Variants in NAA11 observed in about 807,000 individuals in gnomAD.
NAA11 encodes N-alpha-acetyltransferase 11.
In NAA11, 15 loss-of-function variants were observed where a neutral mutation model predicts 16.1. The ratio of observed to expected loss-of-function variants is 0.93; its 90% CI spans 0.62 to 1.44. NAA11 has a LOEUF of 1.44. Among genes scored for constraint, NAA11 ranks in the 40% most tolerant of loss-of-function variants. NAA11 has a pLI of 0.00. For missense variants in NAA11, 298 were observed against 291.3 expected, an observed-to-expected ratio of 1.02 and a Z score of -0.17; for synonymous variants, 122 against 112.4, an observed-to-expected ratio of 1.09 and a Z score of -0.54.
At chr4:79,309,701 GTT>G (rs199910258) in intron 1 of NAA11, among the ~76,000 whole-genome samples, 124 of 108,172 alleles carry the variant, frequency 1.1e-3, no homozygotes, top group African/African-American at 4.0e-3. Context: ...TTCTATTGGT[GTT>G]TTTTTTTTTT....
At chr4:79,180,981 C>CA in the NAA11 span, among the ~76,000 whole-genome samples, 1 of 151,456 alleles carries the variant, frequency 6.6e-6, no homozygotes, top group Non-Finnish European at 1.5e-5. Context: ...ATCACAAGGA[C>CA]AAAAAACCAA....
At chr4:79,314,357 A>C (rs960096080), downstream of NAA11, among the ~76,000 whole-genome samples, 2 of 152,064 alleles carry the variant, frequency 1.3e-5, no homozygotes, top group African/African-American at 2.4e-5. Context: ...AGCTCCCTTC[A>C]TATTATCTTT....
chr4:79,221,162 G>A (rs937783614), downstream of NAA11, among the ~76,000 whole-genome samples: 15 of 151,784 alleles, frequency 9.9e-5, no homozygotes, highest in African/African-American at 3.6e-4. Context: ...CACTCATGAT[G>A]TGGCTCTCTG....
chr4:79,224,838 T>C (rs563042709), downstream of NAA11, among the ~76,000 whole-genome samples: 117 of 152,208 alleles, frequency 7.7e-4, no homozygotes, highest in African/African-American at 2.8e-3. Flanking sequence ...CCCACTGTAG[T>C]CTTTCTAAAA....
At chr4:79,196,979 A>AAAAAAAAAAG in the NAA11 span, among the ~76,000 whole-genome samples, 39 of 125,522 alleles carry the variant, frequency 3.1e-4, no homozygotes, top group Non-Finnish European at 3.7e-4. Context: ...AAAAAAAAAA[A>AAAAAAAAAAG]AAAGAAAGAA....
intron 1 of NAA11, among the ~76,000 whole-genome samples, chr4:79,306,536 T>C (rs1370543720): frequency 6.6e-6 from 1 of 152,226 alleles, no homozygotes; most frequent in African/African-American, 2.4e-5. Flanking sequence ...TATGTCCAAA[T>C]AGTCACATTC....
intron 1 of NAA11, among the ~76,000 whole-genome samples, chr4:79,324,779 G>T (rs1724206054): frequency 6.6e-6 from 1 of 152,142 alleles, no homozygotes; most frequent in Non-Finnish European, 1.5e-5. Flanking sequence ...AGCCATTGAT[G>T]ACTCTTGGCT....
At chr4:79,242,145 T>A (rs1429775447) in intron 2 of NAA11, among the ~76,000 whole-genome samples, 5 of 152,180 alleles carry the variant, frequency 3.3e-5, no homozygotes, top group African/African-American at 7.2e-5. Context: ...TGTGGATGGC[T>A]TCCTGTCAAG....
chr4:79,211,001 G>A, the NAA11 span, among the ~76,000 whole-genome samples: 1 of 152,166 alleles, frequency 6.6e-6, no homozygotes, highest in African/African-American at 2.4e-5. Context: ...GTCTATTATG[G>A]AATCCTGTCA....
At chr4:79,228,667 G>C (rs1721381046) in intron 2 of NAA11, among the ~76,000 whole-genome samples, 1 of 151,932 alleles carries the variant, frequency 6.6e-6, no homozygotes, top group African/African-American at 2.4e-5. Flanking sequence ...CATTGCTGAG[G>C]AGTACCCATT....
chr4:79,235,027 A>G (rs6534253), intron 2 of NAA11, among the ~76,000 whole-genome samples: 126,602 of 152,012 alleles, frequency 0.83, 53,891 homozygotes, highest in Non-Finnish European at 0.92. Flanking sequence ...AGGCCAAGAA[A>G]GGAGAAAGGG....
At chr4:79,219,891 A>G in the NAA11 span, among the ~76,000 whole-genome samples, 1 of 152,200 alleles carries the variant, frequency 6.6e-6, no homozygotes, top group African/African-American at 2.4e-5. Flanking sequence ...TCTATGTTCA[A>G]GTTTCTCCAA....
At chr4:79,192,616 T>C in the NAA11 span, among the ~76,000 whole-genome samples, 20 of 152,118 alleles carry the variant, frequency 1.3e-4, 1 homozygote, top group South Asian at 2.1e-3. Flanking sequence ...TTTTCTTAAT[T>C]CAGTCTATCA....
the NAA11 span, among the ~76,000 whole-genome samples, chr4:79,196,866 A>G: frequency 6.9e-6 from 1 of 145,134 alleles, no homozygotes; most frequent in Non-Finnish European, 1.5e-5. Context: ...GCAATATGCT[A>G]TGGAAAAGTT....
chr4:79,179,273 C>A, the NAA11 span, among the ~76,000 whole-genome samples: 1 of 152,038 alleles, frequency 6.6e-6, no homozygotes, highest in African/African-American at 2.4e-5. Context: ...TAATAATTAC[C>A]TAAGAGAGAG....
Position 79,325,305 on chromosome 4 carries a change from G to C in NAA11, c.573C>G (p.Ala191=). ...CGGTAGCCGGGTTCTTTTGCTGACA[G>C]GCCTCTTCAGAATCAGAAAGTGTGC... is the stretch of plus-strand genomic sequence containing the variant. ...QGSTLSDSEE[A]CQQKNPATEE... The change falls in exon 1 of 2, where the codon GCC becomes GCG. Residue 191 remains alanine, a synonymous_variant. Coordinates refer to ENST00000286794, the MANE Select transcript of NAA11 (RefSeq NM_032693.3). 1 of 1,613,870 alleles carries C rather than the reference G, an allele frequency of 6.2e-7. No homozygotes were observed. The highest frequency in any genetic ancestry group is 1.1e-5 in the South Asian group (1 of 91,058).
At chr4:79,210,951 T>C in the NAA11 span, among the ~76,000 whole-genome samples, 1 of 152,188 alleles carries the variant, frequency 6.6e-6, no homozygotes, top group Non-Finnish European at 1.5e-5. Flanking sequence ...CCTGGGTCTT[T>C]TGTGCAGTGA....
chr4:79,282,053 C>G (rs1722804896), intron 2 of NAA11, among the ~76,000 whole-genome samples: 2 of 152,038 alleles, frequency 1.3e-5, no homozygotes, highest in South Asian at 4.2e-4. Context: ...CTTTCAATGA[C>G]CTGAATGATG....
chr4:79,167,791 G>A, the NAA11 span, among the ~76,000 whole-genome samples: 8 of 152,122 alleles, frequency 5.3e-5, no homozygotes, highest in Middle Eastern at 3.2e-3. Context: ...CGAAGGGGAA[G>A]CCAGCACTTC....
Sources: allele counts gnomAD v4.1 joint callset (sites outside exome capture counted in the v4.1 genomes callset), GRCh38; gene constraint gnomAD v4.1.1; transcripts MANE v1.5; gene names NCBI Gene and HGNC (gene_info 2026-07-23, HGNC 2026-07-21).